XPO7: variants seen among roughly 807,000 people sequenced by gnomAD.
XPO7 encodes exportin 7, also known as exportin-7.
In XPO7, 21 loss-of-function variants were observed where a neutral mutation model predicts 144.3. The observed-to-expected ratio is 0.15, with a 90% CI of 0.10 to 0.21. The LOEUF (loss-of-function observed/expected upper bound fraction) is 0.21, where lower values mean the gene tolerates loss of function less well. Among genes scored for constraint, XPO7 ranks in the 10% least tolerant of loss-of-function variants. The pLI is 1.00. For missense variants in XPO7, 808 were observed against 1,325.8 expected, an observed-to-expected ratio of 0.61 and a Z score of 6.06; for synonymous variants, 580 against 499.6, an observed-to-expected ratio of 1.16 and a Z score of -2.15.
chr8:21,943,691 T>C (rs1811067720), intron 1 of XPO7, among the ~76,000 whole-genome samples: 1 of 152,214 alleles, frequency 6.6e-6, no homozygotes, highest in African/African-American at 2.4e-5. Context: ...TCTTGTTTTC[T>C]CACCCAAATA....
intron 13 of XPO7, among the ~76,000 whole-genome samples, chr8:21,986,069 C>G (rs1812568675): frequency 6.6e-6 from 1 of 151,724 alleles, no homozygotes; most frequent in African/African-American, 2.4e-5. Flanking sequence ...TTCCTACAGC[C>G]TTTCAAATCT....
At chr8:21,987,048 A>G (rs1812601676) in intron 13 of XPO7, 93 bp from the exon 14 acceptor site, 1 of 1,558,698 alleles carries the variant, frequency 6.4e-7, no homozygotes, top group Non-Finnish European at 8.7e-7. Context: ...GTACCCAAGT[A>G]CAGGCATATA....
In XPO7 at chr8:21,994,915, G is replaced by A. The variant is rs561255059; in HGVS notation, c.2237+464G>A. On this transcript the variant is annotated intron_variant, in intron 20 of 27. Transcript: ENST00000252512. The stretch of plus-strand genomic sequence containing the variant: ...AAAAAATACAAAAAATTAGCCAGGC[G>A]TGGTGGCGGGCGCTTGTAGTCCCAG... 1.4e-4 allele frequency among the ~76,000 whole-genome samples: 22 copies of A among 152,180 alleles called. No homozygotes were observed. The South Asian group carries it at 3.3e-3, about 23-fold the overall frequency.
chr8:21,923,158 T>C (rs1052732415), intron 1 of XPO7, among the ~76,000 whole-genome samples: 1 of 152,256 alleles, frequency 6.6e-6, no homozygotes, highest in African/African-American at 2.4e-5. Context: ...TTCTAACTTT[T>C]TTCCAGTTCG....
chr8:21,934,680 TAAG>T (rs1810766957), intron 1 of XPO7, among the ~76,000 whole-genome samples: 1 of 152,158 alleles, frequency 6.6e-6, no homozygotes, highest in African/African-American at 2.4e-5. Context: ...GGATGAACTG[TAAG>T]GAGACATCCC....
chr8:21,986,932 C>A (rs1812597616), intron 13 of XPO7, among the ~76,000 whole-genome samples: 1 of 152,178 alleles, frequency 6.6e-6, no homozygotes, highest in African/African-American at 2.4e-5. Flanking sequence ...GAAGTGTTAC[C>A]TACCTGTGAA....
chr8:21,988,868 T>G (rs1812663020), intron 15 of XPO7, 135 bp from the exon 16 acceptor site: 1 of 687,912 alleles, frequency 1.5e-6, no homozygotes, highest in East Asian at 2.7e-5. Flanking sequence ...TCTTTTTTTG[T>G]GGTCGTGATG....
chr8:21,999,740 A>T, intron 24 of XPO7, 66 bp downstream of exon 24: 1 of 1,595,190 alleles, frequency 6.3e-7, no homozygotes, highest in Non-Finnish European at 8.6e-7. Context: ...AAACAGAAAG[A>T]GAGAATCTTG....
chr8:21,923,054 A>G (rs949031551), intron 1 of XPO7, among the ~76,000 whole-genome samples: 2 of 152,234 alleles, frequency 1.3e-5, no homozygotes, highest in Non-Finnish European at 2.9e-5. Flanking sequence ...GCTTTTAACA[A>G]TATGCAAGGA....
chr8:21,946,987 A>G (rs1055410909), intron 1 of XPO7, among the ~76,000 whole-genome samples: 3 of 152,226 alleles, frequency 2.0e-5, no homozygotes, highest in Non-Finnish European at 4.4e-5. Context: ...TTTTAGATAA[A>G]CACAAACTAA....
chr8:21,972,319 A>T (rs1812089384), intron 5 of XPO7, among the ~76,000 whole-genome samples: 1 of 152,140 alleles, frequency 6.6e-6, no homozygotes, highest in Non-Finnish European at 1.5e-5. Flanking sequence ...TTCTACTAAA[A>T]ATACAAAAAA....
chr8:21,930,932 C>G (rs1372216930), intron 1 of XPO7, among the ~76,000 whole-genome samples: 3 of 152,190 alleles, frequency 2.0e-5, no homozygotes, highest in Non-Finnish European at 4.4e-5. Flanking sequence ...CCTCTGCCTT[C>G]TGGGTTCAAG....
At chr8:21,967,089 C>T (rs1343350665) in intron 2 of XPO7, 86 bp downstream of exon 2, 12 of 1,477,284 alleles carry the variant, frequency 8.1e-6, no homozygotes, top group Non-Finnish European at 1.1e-5. Context: ...CATGGGATGG[C>T]TTCTGTTCCC....
At chr8:21,992,520 G>C (rs923053978) in intron 19 of XPO7, among the ~76,000 whole-genome samples, 1 of 152,020 alleles carries the variant, frequency 6.6e-6, no homozygotes, top group Non-Finnish European at 1.5e-5. Context: ...ACTTAGAAAG[G>C]TTTAAGAATT....
At chr8:21,948,191 G>A (rs1811254087) in intron 1 of XPO7, among the ~76,000 whole-genome samples, 3 of 152,238 alleles carry the variant, frequency 2.0e-5, no homozygotes, top group Non-Finnish European at 4.4e-5. Flanking sequence ...GCACTGAATA[G>A]TGACATTTTG....
chr8:21,952,571 T>G (rs1335420609), intron 1 of XPO7, among the ~76,000 whole-genome samples: 1 of 152,252 alleles, frequency 6.6e-6, no homozygotes, highest in Non-Finnish European at 1.5e-5. Context: ...AGCATTACTT[T>G]GAAATGACTT....
intron 1 of XPO7, among the ~76,000 whole-genome samples, chr8:21,942,493 G>A (rs1043166730): frequency 2.6e-5 from 4 of 152,144 alleles, no homozygotes; most frequent in African/African-American, 9.7e-5. Flanking sequence ...TGTCTTATTG[G>A]AGTACAGCTG....
chr8:21,994,494 C>G, intron 20 of XPO7, 43 bp downstream of exon 20: 1 of 1,561,534 alleles, frequency 6.4e-7, no homozygotes, highest in Non-Finnish European at 8.8e-7. Flanking sequence ...CCTGCCTTAA[C>G]TGGAGTGTGA....
chr8:21,995,700 C>G (rs1563337690), intron 21 of XPO7, 101 bp downstream of exon 21: 12 of 867,894 alleles, frequency 1.4e-5, no homozygotes, highest in East Asian at 2.9e-5. Context: ...TAATAAGATT[C>G]ACTACTGCAT....
Sources: allele counts gnomAD v4.1 joint callset (sites outside exome capture counted in the v4.1 genomes callset), GRCh38; gene constraint gnomAD v4.1.1; transcripts MANE v1.5; gene names NCBI Gene and HGNC (gene_info 2026-07-23, HGNC 2026-07-21).